The following FRMD4A variants were observed in gnomAD, a reference collection of about 807,000 sequenced individuals.
The protein encoded by FRMD4A is FERM domain containing 4A.
Under a neutral mutation model 129.1 loss-of-function variants are expected in FRMD4A, and 29 were observed. That is an observed-to-expected ratio of 0.22 (90% CI 0.17 to 0.31). FRMD4A has a LOEUF of 0.31. Among genes scored for constraint, FRMD4A ranks in the 10% least tolerant of loss-of-function variants. FRMD4A has a pLI of 1.00. For synonymous variants in FRMD4A, 634 were observed against 571.6 expected, an observed-to-expected ratio of 1.11 and a Z score of -1.56; for missense variants, 1,272 against 1,375.8, an observed-to-expected ratio of 0.92 and a Z score of 1.19.
chr10:13,695,139 C>A (rs1295170759), intron 14 of FRMD4A, among the ~76,000 whole-genome samples: 8 of 146,570 alleles, frequency 5.5e-5, no homozygotes, highest in Non-Finnish European at 9.0e-5. Context: ...AGCGGTTTTT[C>A]AAAAAAAAAT....
Position 13,782,966 on chromosome 10 carries a change from T to C in FRMD4A, c.340A>G (p.Thr114Ala). 1 of 1,516,312 alleles carries C rather than the reference T, an allele frequency of 6.6e-7. No homozygotes were observed. 93.9% of individuals were successfully genotyped at this position (1,516,312 alleles called of 1,614,324 possible). The change falls in exon 6 of 25, where the codon ACC (threonine) becomes GCC (alanine). Residue 114 changes from threonine (T) to alanine (A), a missense_variant. This residue lies in a region of FRMD4A where 300 missense variants were observed against 483.6 expected (regional missense o/e 0.62). Coordinates refer to ENST00000357447, the MANE Select transcript of FRMD4A (RefSeq NM_018027.5). ...GCGTTCAGAAAGAAAAGCTCAATGGTAGCATTATCCTTCAGGTATGAAATG... is the reference window on the plus strand; with the variant it reads ...GCGTTCAGAAAGAAAAGCTCAATGGCAGCATTATCCTTCAGGTATGAAATG... ...ESISYLKDNA[T>A]IELFFLNAKS...
intron 19 of FRMD4A, among the ~76,000 whole-genome samples, 200 bp downstream of exon 19, chr10:13,663,253 C>T (rs2082773126): frequency 6.6e-6 from 1 of 151,950 alleles, no homozygotes. Context: ...ATGAAAAGCT[C>T]TAATACACAT....
At chr10:13,966,122 C>T (rs548349252) in intron 2 of FRMD4A, among the ~76,000 whole-genome samples, 6 of 152,010 alleles carry the variant, frequency 3.9e-5, no homozygotes, top group African/African-American at 4.8e-5. Context: ...CGGGTTCAAG[C>T]GATTCTCCTG....
In FRMD4A at chr10:13,848,905, C is replaced by T. The variant is rs373416057; in HGVS notation, c.111+9942G>A. Among the ~76,000 whole-genome samples the T allele has an allele frequency of 7.9e-5, 12 of 152,342 alleles. No homozygotes were observed. In the East Asian group the frequency reaches 1.9e-3, roughly 24 times the overall value. On this transcript the variant is annotated intron_variant, in intron 3 of 24. Coordinates refer to ENST00000357447, the MANE Select transcript of FRMD4A (RefSeq NM_018027.5). ...GACTATTTCTTATTCCTCTCCATCA[C>T]TCAATGCGTTTTTTATTACAAATAG...
chr10:14,201,338 C>T (rs1404197399), intron 2 of FRMD4A, among the ~76,000 whole-genome samples: 6 of 152,164 alleles, frequency 3.9e-5, no homozygotes, highest in East Asian at 1.9e-4. Context: ...CAAATTCTCC[C>T]GGTTAGAATA....
intron 2 of FRMD4A, among the ~76,000 whole-genome samples, chr10:14,138,109 G>A (rs1427736231): frequency 6.6e-6 from 1 of 152,180 alleles, no homozygotes; most frequent in Non-Finnish European, 1.5e-5. Flanking sequence ...TGGAAAATGG[G>A]TCATTGCATT....
intron 6 of FRMD4A, among the ~76,000 whole-genome samples, chr10:13,772,563 A>C (rs1374056532): frequency 6.6e-6 from 1 of 152,224 alleles, no homozygotes; most frequent in Non-Finnish European, 1.5e-5. Flanking sequence ...AGCAGTTCGC[A>C]GAGGCTGCAC....
chr10:14,036,077 G>A (rs1489361325), intron 2 of FRMD4A, among the ~76,000 whole-genome samples: 2 of 151,916 alleles, frequency 1.3e-5, no homozygotes, highest in East Asian at 3.9e-4. Flanking sequence ...AAAAGATTCA[G>A]GAGGATGCAG....
At chr10:13,772,497 G>T (rs1481185516) in intron 6 of FRMD4A, among the ~76,000 whole-genome samples, 1 of 152,154 alleles carries the variant, frequency 6.6e-6, no homozygotes, top group Non-Finnish European at 1.5e-5. Context: ...TGGACAGAGG[G>T]CCAGCCTTAC....
intron 24 of FRMD4A, among the ~76,000 whole-genome samples, chr10:13,648,457 T>C (rs977709919): frequency 1.3e-5 from 2 of 152,152 alleles, no homozygotes; most frequent in Non-Finnish European, 2.9e-5. Flanking sequence ...GTGGTCCTGG[T>C]GGTGCTCTCC....
intron 12 of FRMD4A, among the ~76,000 whole-genome samples, chr10:13,711,557 G>A (rs778684264): frequency 6.6e-6 from 1 of 152,198 alleles, no homozygotes; most frequent in South Asian, 2.1e-4. Context: ...AGGATGACTG[G>A]GCCGGTTCCC....
intron 8 of FRMD4A, among the ~76,000 whole-genome samples, 195 bp downstream of exon 8, chr10:13,761,452 A>C (rs1268061123): frequency 2.0e-5 from 3 of 152,248 alleles, no homozygotes; most frequent in Non-Finnish European, 4.4e-5. Flanking sequence ...GTAGTGGAGA[A>C]TATCTCCCTT....
chr10:13,891,226 C>T (rs2094692298), intron 2 of FRMD4A, among the ~76,000 whole-genome samples: 1 of 152,070 alleles, frequency 6.6e-6, no homozygotes, highest in Non-Finnish European at 1.5e-5. Context: ...GGCTGCTGGC[C>T]CCCGCCACCC....
In FRMD4A at chr10:13,993,757, T is replaced by C. The variant is rs533266287; in HGVS notation, c.46-134845A>G. On this transcript the variant is annotated intron_variant, in intron 2 of 24. Transcript: ENST00000357447. Reference sequence around the variant, plus strand: ...CATGTTCTCAGCAAAGAGGATGTCATCTTCCTGTTTCCTCTAGCTGGAGGA... The same window carrying C: ...CATGTTCTCAGCAAAGAGGATGTCACCTTCCTGTTTCCTCTAGCTGGAGGA... 3.3e-5 allele frequency among the ~76,000 whole-genome samples: 5 copies of C among 152,324 alleles called. No homozygotes were observed. The South Asian group carries it at 1.0e-3, about 32-fold the overall frequency.
chr10:14,143,348 G>A (rs890385632), intron 2 of FRMD4A, among the ~76,000 whole-genome samples: 11 of 152,174 alleles, frequency 7.2e-5, no homozygotes, highest in Non-Finnish European at 1.5e-4. Flanking sequence ...TGAAACTTGG[G>A]GACATCATGC....
At chr10:14,000,646 CAAAAAAAA>C (rs11377448) in intron 2 of FRMD4A, among the ~76,000 whole-genome samples, 2 of 43,470 alleles carry the variant, frequency 4.6e-5, no homozygotes, top group South Asian at 1.5e-3. Context: ...GACGCCACCT[CAAAAAAAA>C]AAAAAAAAAA....
At chr10:14,081,456 T>G (rs1835923414) in intron 2 of FRMD4A, among the ~76,000 whole-genome samples, 1 of 152,142 alleles carries the variant, frequency 6.6e-6, no homozygotes, top group Non-Finnish European at 1.5e-5. Context: ...AGAACTCCTG[T>G]GCAGTGGCAG....
intron 2 of FRMD4A, among the ~76,000 whole-genome samples, chr10:14,286,700 C>T (rs908844299): frequency 1.4e-4 from 22 of 152,170 alleles, no homozygotes; most frequent in Admixed American, 2.6e-4. Flanking sequence ...CTTTGGAGGC[C>T]GTAATCTTTC....
chr10:14,132,785 G>T (rs1323567588), intron 2 of FRMD4A, among the ~76,000 whole-genome samples: 18 of 152,236 alleles, frequency 1.2e-4, no homozygotes, highest in Admixed American at 1.2e-3. Context: ...AGGGCCTGCT[G>T]GTGGGAAGCT....
Sources: gnomAD v4.1 joint callset for allele counts (sites outside exome capture counted in the v4.1 genomes callset) on GRCh38, gnomAD v4.1.1 for gene constraint, gnomAD v4.1.1 regional missense constraint, MANE v1.5 for transcripts, NCBI Gene and HGNC (gene_info 2026-07-23, HGNC 2026-07-21) for gene names.